The following ZNF185 variants were observed in gnomAD, a reference collection of about 807,000 sequenced individuals.
ZNF185 encodes the protein zinc finger protein 185.
A neutral mutation model predicts 58.6 loss-of-function variants in ZNF185; 56 were observed. The observed-to-expected ratio is 0.95, with a 90% CI of 0.77 to 1.19. The LOEUF (loss-of-function observed/expected upper bound fraction) is 1.19. Ranked by LOEUF, ZNF185 falls within the 50% of genes most tolerant of loss-of-function variation. The pLI is 0.00. For synonymous variants in ZNF185, 230 were observed against 215.9 expected (o/e 1.07, Z -0.57); for missense variants, 627 against 573.5 (o/e 1.09, Z -0.95).
chrX:152,917,091 G>A (rs782130858), intron 3 of ZNF185, 40 bp from the exon 5 acceptor site: 1 of 1,210,653 alleles, frequency 8.3e-7, no homozygotes, highest in Admixed American at 2.2e-5. Flanking sequence ...CAGCCCTCCA[G>A]CAAGCCTCGC....
the ZNF185 span, among the ~76,000 whole-genome samples, chrX:152,902,441 C>T: frequency 8.8e-6 from 1 of 113,043 alleles, no homozygotes; most frequent in East Asian, 2.8e-4. Flanking sequence ...TCACAAGAAC[C>T]GGCATCCCTG....
exon 1 of ZNF185, chrX:152,914,499 T>C (rs1279634170): frequency 4.2e-6 from 5 of 1,183,417 alleles, no homozygotes; most frequent in Non-Finnish European, 5.7e-6. Context: ...CATGAGTATC[T>C]CAGCTCTTGG....
chrX:152,966,822 C>T (rs1490577530), intron 19 of ZNF185, among the ~76,000 whole-genome samples: 1 of 111,505 alleles, frequency 9.0e-6, no homozygotes, highest in Non-Finnish European at 1.9e-5. Flanking sequence ...ATGATCCCTT[C>T]TTTCTTCTCA....
chrX:152,911,728 TCC>T (rs1937325035), upstream of ZNF185, among the ~76,000 whole-genome samples: 2 of 45,346 alleles, frequency 4.4e-5, no homozygotes, highest in East Asian at 8.5e-4. Context: ...TCCCATCCCA[TCC>T]CATCCCATCA....
In ZNF185 at chrX:152,938,274, G is replaced by A. The variant is rs1006603416; in HGVS notation, c.1211+111G>A. ...TGAGGCCAGCAAGGTTTGTGAGCTG[G>A]CCTGAGGCACATAGCAAGGGCAGAA... On this transcript the variant is annotated intron_variant, in intron 15 of 22. Transcript: ENST00000449285. 57 of 739,223 alleles carry A rather than the reference G, an allele frequency of 7.7e-5. No individual in the cohort carries two copies. In the Admixed American group the frequency reaches 1.3e-3, roughly 16 times the overall value. 60.9% of individuals were successfully genotyped at this position (739,223 alleles called of 1,213,427 possible). A position where few individuals can be genotyped will look rare whatever the true frequency, so the allele number is the denominator to read the frequency against.
At chrX:152,923,478 C>T (rs1411093348) in intron 11 of ZNF185, among the ~76,000 whole-genome samples, 1 of 112,280 alleles carries the variant, frequency 8.9e-6, no homozygotes, top group African/African-American at 3.2e-5. Flanking sequence ...GGTTGTCTGA[C>T]TCTCCCCATA....
the ZNF185 span, among the ~76,000 whole-genome samples, chrX:152,903,388 C>CAAAAA: frequency 3.6e-4 from 13 of 35,844 alleles, no homozygotes; most frequent in Admixed American, 1.2e-3. Flanking sequence ...AGACTCGTCT[C>CAAAAA]AAAAAAAAAA....
chrX:152,927,478 C>T (rs189681355), intron 11 of ZNF185, among the ~76,000 whole-genome samples: 1 of 111,549 alleles, frequency 9.0e-6, no homozygotes, highest in African/African-American at 3.3e-5. Context: ...CTCCTGGGAC[C>T]CCTGAGTGGC....
chrX:152,969,240 G>A, intron 20 of ZNF185, 142 bp from the exon 23 acceptor site: 1 of 483,568 alleles, frequency 2.1e-6, no homozygotes, highest in Non-Finnish European at 3.6e-6. Flanking sequence ...GGGCTGTGCT[G>A]CACACCACAG....
chrX:152,953,292 AGTTCT>A (rs1556901691), intron 16 of ZNF185, among the ~76,000 whole-genome samples: 1 of 112,219 alleles, frequency 8.9e-6, no homozygotes, highest in Non-Finnish European at 1.9e-5. Flanking sequence ...AGCTAGGAAG[AGTTCT>A]GTCTGCGAAG....
chrX:152,948,084 A>G (rs781887415), intron 16 of ZNF185, among the ~76,000 whole-genome samples: 3 of 111,861 alleles, frequency 2.7e-5, no homozygotes, highest in African/African-American at 9.8e-5. Context: ...AAAATTTTGG[A>G]TAAATGGAAG....
intron 16 of ZNF185, among the ~76,000 whole-genome samples, chrX:152,949,957 G>T (rs2125810408): frequency 9.0e-6 from 1 of 111,295 alleles, no homozygotes; most frequent in African/African-American, 3.3e-5. Flanking sequence ...AAAACCTTAG[G>T]CCATGGGAGA....
intron 14 of ZNF185, among the ~76,000 whole-genome samples, chrX:152,934,504 G>T (rs2046036871): frequency 8.9e-6 from 1 of 112,261 alleles, no homozygotes; most frequent in South Asian, 3.7e-4. Context: ...GTCTTTTACA[G>T]TTGTCTTACC....
chrX:152,919,317 A>G (rs1556868288), intron 7 of ZNF185, among the ~76,000 whole-genome samples: 1 of 94,378 alleles, frequency 1.1e-5, no homozygotes, highest in African/African-American at 3.9e-5. Context: ...AACCTAGGTA[A>G]TGTGGGTCCG....
At chrX:152,943,748 T>C (rs2047496244) in intron 15 of ZNF185, among the ~76,000 whole-genome samples, 1 of 112,936 alleles carries the variant, frequency 8.9e-6, no homozygotes, top group African/African-American at 3.2e-5. Flanking sequence ...TCCACAGACT[T>C]GGTGAGGGCA....
chrX:152,898,223 C>T, the ZNF185 span, among the ~76,000 whole-genome samples: 2 of 111,350 alleles, frequency 1.8e-5, no homozygotes, highest in African/African-American at 6.5e-5. Context: ...CCCCACGAGC[C>T]GGGCACCGGT....
At chrX:152,937,836 A>T (rs1190316615) in intron 14 of ZNF185, among the ~76,000 whole-genome samples, 1 of 112,299 alleles carries the variant, frequency 8.9e-6, no homozygotes, top group East Asian at 2.8e-4. Flanking sequence ...AGGGAACCCA[A>T]GTTGGTCAGG....
At chrX:152,907,393 C>T in the ZNF185 span, among the ~76,000 whole-genome samples, 2 of 113,090 alleles carry the variant, frequency 1.8e-5, no homozygotes, top group African/African-American at 6.4e-5. Flanking sequence ...CCCCTTCCTT[C>T]GAGGTTGCTG....
chrX:152,958,820 T>C (rs1367063658), intron 16 of ZNF185, among the ~76,000 whole-genome samples: 2 of 111,262 alleles, frequency 1.8e-5, no homozygotes, highest in African/African-American at 6.5e-5. Flanking sequence ...ACAAGAAGGT[T>C]CCACATGTGA....
Sources: allele counts gnomAD v4.1 joint callset (sites outside exome capture counted in the v4.1 genomes callset), GRCh38; gene constraint gnomAD v4.1.1; transcripts MANE v1.5; gene names NCBI Gene and HGNC (gene_info 2026-07-23, HGNC 2026-07-21).